LRGUK: variants seen among roughly 807,000 people sequenced by gnomAD.
The protein encoded by LRGUK is leucine rich repeats and guanylate kinase domain containing.
Under a neutral mutation model 76.0 loss-of-function variants are expected in LRGUK, and 65 were observed. That is an observed-to-expected ratio of 0.85 (90% confidence interval 0.70 to 1.05). The LOEUF is 1.05. Ranked by LOEUF, LRGUK falls within the 50% of genes least tolerant of loss-of-function variation. The probability of loss-of-function intolerance (pLI) is 0.00; values close to 1 mark genes in which losing one functional copy is unlikely to be tolerated. For synonymous variants in LRGUK, 268 were observed against 265.6 expected (o/e 1.01, Z -0.09); for missense variants, 758 against 732.8 (o/e 1.03, Z -0.40).
chr7:134,221,446 A>C (rs1381973139), intron 15 of LRGUK, among the ~76,000 whole-genome samples: 2 of 152,160 alleles, frequency 1.3e-5, no homozygotes, highest in Non-Finnish European at 2.9e-5. Context: ...CTTTCATCAA[A>C]TGAAAAGTCA....
intron 14 of LRGUK, 128 bp from the exon 15 acceptor site, chr7:134,201,353 C>T: frequency 2.9e-6 from 2 of 697,488 alleles, no homozygotes; most frequent in Non-Finnish European, 4.9e-6. Context: ...TTAGGGTCAT[C>T]TTAGAATTCT....
intron 12 of LRGUK, among the ~76,000 whole-genome samples, chr7:134,193,904 A>G (rs1483568929): frequency 1.3e-5 from 2 of 152,148 alleles, no homozygotes; most frequent in African/African-American, 2.4e-5. Context: ...TCTGACACGT[A>G]CAACACATAG....
intron 7 of LRGUK, among the ~76,000 whole-genome samples, chr7:134,173,896 G>A (rs1161988466): frequency 1.3e-5 from 2 of 152,108 alleles, no homozygotes; most frequent in Admixed American, 6.5e-5. Flanking sequence ...GGATCACAAG[G>A]TCAGGAGATC....
Position 134,137,129 on chromosome 7 carries a change from CAGTG to C in LRGUK, c.405+3_405+6del, listed in dbSNP as rs1195256607. The C allele has an allele frequency of 3.7e-6, 6 of 1,605,604 alleles. No homozygotes were observed. Among genetic ancestry groups the C allele is most frequent in the Non-Finnish European group, 5.1e-6 (6 of 1,174,678 alleles). ...CAAGTCTACCTCAATCTAACTTTAT[CAGTG>C]AGTATGACAAAATCTCCATTGGCTG... On this transcript the variant is annotated splice_donor_variant and splice_donor_region_variant and coding_sequence_variant and intron_variant, in exon 2 of 16. Transcript: ENST00000645682. LOFTEE classifies it high-confidence loss of function.
At chr7:134,216,222 C>T (rs1801432421) in intron 15 of LRGUK, among the ~76,000 whole-genome samples, 1 of 151,990 alleles carries the variant, frequency 6.6e-6, no homozygotes, top group East Asian at 1.9e-4. Context: ...AGTGTTTGTT[C>T]GTATTAACAT....
chr7:134,257,810 CA>C (rs374182050), intron 18 of LRGUK, among the ~76,000 whole-genome samples: 104 of 141,798 alleles, frequency 7.3e-4, no homozygotes, highest in South Asian at 6.7e-4. Context: ...TCTCCAAAAA[CA>C]AAAAAAAAAA....
At chr7:134,158,348 A>G (rs1299126110) in intron 6 of LRGUK, among the ~76,000 whole-genome samples, 189 bp downstream of exon 6, 1 of 152,092 alleles carries the variant, frequency 6.6e-6, no homozygotes, top group Non-Finnish European at 1.5e-5. Context: ...GAGAGAGAGA[A>G]AGAAAGCAAT....
chr7:134,270,601 T>G, the LRGUK span, among the ~76,000 whole-genome samples: 2 of 152,150 alleles, frequency 1.3e-5, no homozygotes, highest in African/African-American at 4.8e-5. Context: ...ATATATACTG[T>G]TGTTCTCCAT....
intron 12 of LRGUK, among the ~76,000 whole-genome samples, chr7:134,192,918 T>A (rs183918996): frequency 1.1e-4 from 16 of 152,274 alleles, no homozygotes; most frequent in Non-Finnish European, 2.1e-4. Context: ...ATATCCTCTT[T>A]CCTCTTTCCC....
chr7:134,211,941 T>C (rs1801290719), downstream of LRGUK, among the ~76,000 whole-genome samples: 1 of 152,178 alleles, frequency 6.6e-6, no homozygotes, highest in South Asian at 2.1e-4. Flanking sequence ...AGTCATCTCC[T>C]GGACTCTGGT....
intron 16 of LRGUK, among the ~76,000 whole-genome samples, chr7:134,230,381 A>G (rs1157682496): frequency 6.6e-6 from 1 of 152,220 alleles, no homozygotes; most frequent in African/African-American, 2.4e-5. Flanking sequence ...AACTCTTATA[A>G]GAGAACTGAT....
At chr7:134,232,275 T>A (rs1281128310) in intron 16 of LRGUK, among the ~76,000 whole-genome samples, 1 of 149,726 alleles carries the variant, frequency 6.7e-6, no homozygotes. Context: ...TGACAGTTGT[T>A]TTTAATTTAT....
At chr7:134,146,310 G>C (rs1797968004) in intron 4 of LRGUK, among the ~76,000 whole-genome samples, 1 of 151,932 alleles carries the variant, frequency 6.6e-6, no homozygotes, top group African/African-American at 2.4e-5. Context: ...GCTACATAGA[G>C]AGCATAGTAT....
intron 3 of LRGUK, among the ~76,000 whole-genome samples, chr7:134,140,073 A>G (rs191648688): frequency 1.1e-3 from 174 of 152,264 alleles, no homozygotes; most frequent in African/African-American, 4.2e-3. Context: ...GGTTCAAGTG[A>G]TTATCCTGCC....
At chr7:134,153,278 A>C (rs1198648343) in intron 5 of LRGUK, among the ~76,000 whole-genome samples, 3 of 152,136 alleles carry the variant, frequency 2.0e-5, no homozygotes, top group Admixed American at 2.0e-4. Flanking sequence ...CTAATATCTC[A>C]GAATGAATTG....
intron 19 of LRGUK, among the ~76,000 whole-genome samples, chr7:134,263,623 CTTTTTTTT>C (rs59840547): frequency 1.8e-5 from 2 of 114,004 alleles, no homozygotes; most frequent in Non-Finnish European, 3.6e-5. Context: ...TCATTTCTTT[CTTTTTTTT>C]TTTTTTTTTT....
intron 5 of LRGUK, among the ~76,000 whole-genome samples, chr7:134,153,191 C>A (rs926489321): frequency 6.6e-6 from 1 of 151,774 alleles, no homozygotes; most frequent in Non-Finnish European, 1.5e-5. Flanking sequence ...AAATTAATTT[C>A]TTTGAAAATA....
chr7:134,186,949 C>G (rs2117034631), intron 11 of LRGUK, among the ~76,000 whole-genome samples: 1 of 152,310 alleles, frequency 6.6e-6, no homozygotes, highest in East Asian at 1.9e-4. Context: ...ACTACAAACT[C>G]ATTCATCCAC....
intron 18 of LRGUK, among the ~76,000 whole-genome samples, chr7:134,255,943 A>G (rs746839690): frequency 5.3e-5 from 8 of 152,038 alleles, no homozygotes; most frequent in Admixed American, 2.6e-4. Context: ...AAATACTTCA[A>G]TCAGCCACCA....
Sources: allele counts gnomAD v4.1 joint callset (sites outside exome capture counted in the v4.1 genomes callset), GRCh38; gene constraint gnomAD v4.1.1; transcripts MANE v1.5; gene names NCBI Gene and HGNC (gene_info 2026-07-23, HGNC 2026-07-21).